The following JAK1 variants were observed in gnomAD, a reference collection of about 807,000 sequenced individuals.
The protein encoded by JAK1 is Janus kinase 1, also known as tyrosine-protein kinase JAK1.
JAK1 carries 16 observed loss-of-function variants against 136.6 expected under a neutral mutation model. That is an observed-to-expected ratio of 0.12 (90% CI 0.08 to 0.18). The LOEUF is 0.18. JAK1 is among the 10% of genes least tolerant of loss of function. The probability of loss-of-function intolerance (pLI) is 1.00; values close to 1 mark genes in which losing one functional copy is unlikely to be tolerated. For missense variants in JAK1, 859 were observed against 1,450.1 expected, an observed-to-expected ratio of 0.59 and a Z score of 6.62; for synonymous variants, 492 against 519.5, an observed-to-expected ratio of 0.95 and a Z score of 0.72.
chr1:64,954,491 C>G, intron 1 of JAK1, among the ~76,000 whole-genome samples: 1 of 152,188 alleles, frequency 6.6e-6, no homozygotes, highest in South Asian at 2.1e-4. Flanking sequence ...AAGATCCTTA[C>G]AAGGTGCTTT....
intron 2 of JAK1, among the ~76,000 whole-genome samples, chr1:64,988,483 C>G (rs371368219): frequency 4.6e-5 from 7 of 152,052 alleles, no homozygotes; most frequent in African/African-American, 1.2e-4. Context: ...CTGTCCCCCC[C>G]ATAGAAACTC....
intron 1 of JAK1, among the ~76,000 whole-genome samples, chr1:64,961,662 A>G (rs1190051909): frequency 6.6e-6 from 1 of 152,072 alleles, no homozygotes; most frequent in South Asian, 2.1e-4. Context: ...GCCCACTTTT[A>G]TGTCCTTGCT....
intron 1 of JAK1, among the ~76,000 whole-genome samples, chr1:65,060,233 T>A (rs1461220460): frequency 6.6e-6 from 1 of 152,110 alleles, no homozygotes; most frequent in Non-Finnish European, 1.5e-5. Flanking sequence ...TGAACAAAGA[T>A]ACTGTGATTA....
intron 2 of JAK1, among the ~76,000 whole-genome samples, chr1:65,024,096 C>T (rs549575340): frequency 6.6e-6 from 1 of 151,970 alleles, no homozygotes; most frequent in South Asian, 2.1e-4. Context: ...AAACTTTTTG[C>T]GGCCATATAT....
chr1:65,021,906 T>C (rs534017851), intron 2 of JAK1, among the ~76,000 whole-genome samples: 1 of 152,302 alleles, frequency 6.6e-6, no homozygotes, highest in South Asian at 2.1e-4. Context: ...GCCTCCTGAC[T>C]TTCAGACTCA....
intron 2 of JAK1, among the ~76,000 whole-genome samples, chr1:65,041,422 C>G (rs553158930): frequency 5.9e-5 from 9 of 152,120 alleles, no homozygotes; most frequent in African/African-American, 9.7e-5. Context: ...GCCAGTACCC[C>G]GTAAGCACTG....
rs917625619 is a variant in JAK1, at chr1:64,948,490, C to A, written c.-78+17843G>T. ...AAGGAGTGTAGCTATAAGCTTGTCA[C>A]AAGTTTTTGCAAAGATAAACTAGCC... On this transcript the variant is annotated intron_variant, in intron 1 of 24. Coordinates refer to ENST00000342505, the MANE Select transcript of JAK1 (RefSeq NM_002227.4). Among the ~76,000 whole-genome samples, 16 of 152,180 alleles carry A rather than the reference C, an allele frequency of 1.1e-4. 1 individual carries two copies. Among genetic ancestry groups the A allele is most frequent in the Admixed American group, 3.9e-4 (6 of 15,284 alleles).
At chr1:64,968,294 G>GAA (rs879499140), upstream of JAK1, among the ~76,000 whole-genome samples, 11 of 148,100 alleles carry the variant, frequency 7.4e-5, no homozygotes, top group African/African-American at 2.7e-4. Context: ...AAGATTCAGA[G>GAA]AAAAAAAAAA....
At chr1:64,995,713 C>T (rs1467991140) in intron 2 of JAK1, among the ~76,000 whole-genome samples, 1 of 151,858 alleles carries the variant, frequency 6.6e-6, no homozygotes, top group African/African-American at 2.4e-5. Context: ...ATGAAGAAAC[C>T]AAAAGAAAAA....
At position 64,845,593 on chromosome 1, in the gene JAK1, T is replaced by C; in HGVS notation, c.2035A>G (p.Met679Val). 2 of 1,614,130 alleles carry C rather than the reference T, an allele frequency of 1.2e-6. No individual in the cohort carries two copies. The highest frequency in any genetic ancestry group is 1.7e-6 in the Non-Finnish European group (2 of 1,180,014). The change falls in exon 15 of 25, where the codon ATG becomes GTG. Residue 679 changes from methionine (M) to valine (V), a missense_variant. By Grantham distance (21) the Met-to-Val change is conservative. Around this residue, in one of 4 missense-constraint regions of JAK1, gnomAD observed 409 missense variants for 753.8 expected, o/e 0.54. Transcript: ENST00000342505. ...FVEGGPLDLF[M>V]HRKSDVLTTP... ...GTAAGGACATCGCTTTTCCGGTGCA[T>C]GAAGAGATCCAGAGGACCCCCTTCC...
At chr1:64,868,554 G>A (rs558241498) in intron 6 of JAK1, among the ~76,000 whole-genome samples, 10 of 152,270 alleles carry the variant, frequency 6.6e-5, no homozygotes, top group South Asian at 4.1e-4. Context: ...GAGCAGTATC[G>A]ACTCAATCCC....
rs916470973 is a variant in JAK1, at chr1:65,011,247, G to A, written c.-78+33233C>T. On this transcript the variant is annotated intron_variant, in intron 2 of 25. Coordinates refer to the JAK1 transcript ENST00000671954. ...TCTCAGCACTTTAGCAGGCCGAGGC[G>A]GGAGGACTGCTTGAGCTCAGGAGTT... is the stretch of plus-strand genomic sequence containing the variant. Among the ~76,000 whole-genome samples the A allele has an allele frequency of 3.3e-5, 5 of 152,170 alleles. No individual in the cohort carries two copies. The South Asian group carries it at 8.3e-4, about 25-fold the overall frequency.
Position 64,980,131 on chromosome 1 carries a change from A to T in JAK1, c.-78+64349T>A, listed in dbSNP as rs374739803. ...GAGGGAAAGGTCAAGAAGGAAAGAG[A>T]AAAGACTTGGAGATAAAACTCAGAA... On this transcript the variant is annotated intron_variant, in intron 2 of 25. Coordinates refer to the JAK1 transcript ENST00000671954. 8.5e-5 allele frequency among the ~76,000 whole-genome samples: 13 copies of T among 152,224 alleles called. 1 individual carries two copies.
intron 2 of JAK1, among the ~76,000 whole-genome samples, chr1:65,033,414 C>T (rs1391924161): frequency 6.6e-6 from 1 of 151,794 alleles, no homozygotes; most frequent in Non-Finnish European, 1.5e-5. Context: ...TTCAAACTCC[C>T]AACCTCAAGC....
chr1:64,958,492 T>C (rs1183174907), intron 1 of JAK1, among the ~76,000 whole-genome samples: 1 of 152,212 alleles, frequency 6.6e-6, no homozygotes, highest in Non-Finnish European at 1.5e-5. Context: ...TTTTAGTCTA[T>C]GTTATGTGAA....
At chr1:64,878,665 GTTTC>G (rs749552284) in intron 4 of JAK1, among the ~76,000 whole-genome samples, 3 of 143,138 alleles carry the variant, frequency 2.1e-5, no homozygotes, top group African/African-American at 7.8e-5. Context: ...ATCGTCTCCT[GTTTC>G]TTTTTCTTAA....
At chr1:64,898,509 C>A (rs1161220925) in intron 1 of JAK1, among the ~76,000 whole-genome samples, 1 of 152,146 alleles carries the variant, frequency 6.6e-6, no homozygotes. Flanking sequence ...AGCAAATGCA[C>A]AAAAGTCATG....
chr1:64,892,647 T>A (rs1440431836), intron 1 of JAK1, among the ~76,000 whole-genome samples: 1 of 152,212 alleles, frequency 6.6e-6, no homozygotes, highest in Non-Finnish European at 1.5e-5. Flanking sequence ...GCCATCACAA[T>A]AAAACCTTGC....
At chr1:64,839,119 C>G (rs1360327047) in intron 20 of JAK1, among the ~76,000 whole-genome samples, 1 of 131,524 alleles carries the variant, frequency 7.6e-6, no homozygotes, top group Non-Finnish European at 1.6e-5. Flanking sequence ...GCAGTCCAGC[C>G]TGGGCCACAG....
Sources: allele counts gnomAD v4.1 joint callset (sites outside exome capture counted in the v4.1 genomes callset), GRCh38; gene constraint gnomAD v4.1.1; regional missense constraint gnomAD v4.1.1; transcripts MANE v1.5; gene names NCBI Gene and HGNC (gene_info 2026-07-23, HGNC 2026-07-21).